Variants in EXOC6B observed in about 807,000 individuals in gnomAD.
EXOC6B encodes SEC15 homolog B.
EXOC6B carries 54 observed loss-of-function variants against 113.5 expected under a neutral mutation model. That is an observed-to-expected ratio of 0.48 (90% CI 0.38 to 0.60). The LOEUF (loss-of-function observed/expected upper bound fraction) is 0.60, where lower values mean the gene tolerates loss of function less well. Among genes scored for constraint, EXOC6B ranks in the 20% least tolerant of loss-of-function variants. The pLI is 0.00. For missense variants in EXOC6B, 797 were observed against 977.5 expected, an observed-to-expected ratio of 0.82 and a Z score of 2.46; for synonymous variants, 357 against 339.0, an observed-to-expected ratio of 1.05 and a Z score of -0.58.
intron 6 of EXOC6B, among the ~76,000 whole-genome samples, chr2:72,614,606 G>A (rs1671278488): frequency 6.6e-6 from 1 of 152,078 alleles, no homozygotes; most frequent in Admixed American, 6.6e-5. Context: ...AATCATAAGA[G>A]TAATTAATTA....
intron 6 of EXOC6B, among the ~76,000 whole-genome samples, chr2:72,605,176 G>A (rs1367403384): frequency 6.6e-6 from 1 of 151,674 alleles, no homozygotes; most frequent in Non-Finnish European, 1.5e-5. Flanking sequence ...CCAGCTACTC[G>A]GGAGGGCTGA....
intron 19 of EXOC6B, among the ~76,000 whole-genome samples, chr2:72,357,695 A>C (rs1558588114): frequency 1.3e-5 from 2 of 151,868 alleles, no homozygotes; most frequent in African/African-American, 4.8e-5. Context: ...CCTTTAAAAA[A>C]AAAAAAGATG....
At chr2:72,247,449 T>C (rs56178437) in intron 20 of EXOC6B, among the ~76,000 whole-genome samples, 29,726 of 152,134 alleles carry the variant, frequency 0.2, 4,514 homozygotes, top group African/African-American at 0.43. Context: ...TTGCTGTCAT[T>C]ATCACACAGA....
chr2:72,520,688 T>C (rs1469309510), intron 8 of EXOC6B, among the ~76,000 whole-genome samples: 3 of 152,196 alleles, frequency 2.0e-5, no homozygotes, highest in Admixed American at 6.5e-5. Context: ...TCCAAAGACA[T>C]GCCAAAGGCA....
At chr2:72,541,504 TCTC>T (rs953091693) in intron 8 of EXOC6B, among the ~76,000 whole-genome samples, 13 of 152,132 alleles carry the variant, frequency 8.5e-5, no homozygotes, top group African/African-American at 2.7e-4. Flanking sequence ...CAAAAGCCCT[TCTC>T]CTCCTAACAT....
At chr2:72,736,908 A>C (rs960736027) in intron 2 of EXOC6B, among the ~76,000 whole-genome samples, 19 of 151,770 alleles carry the variant, frequency 1.3e-4, no homozygotes, top group Admixed American at 1.0e-3. Flanking sequence ...AATAGCATTC[A>C]CAGGTCCTGG....
At chr2:72,427,319 C>A (rs755614093) in intron 18 of EXOC6B, among the ~76,000 whole-genome samples, 1 of 152,138 alleles carries the variant, frequency 6.6e-6, no homozygotes, top group Admixed American at 6.5e-5. Flanking sequence ...ATGGAGCAGA[C>A]GGGAGCCCCA....
chr2:72,237,932 C>T (rs1028301042), intron 20 of EXOC6B, among the ~76,000 whole-genome samples: 2 of 151,996 alleles, frequency 1.3e-5, no homozygotes, highest in Non-Finnish European at 2.9e-5. Flanking sequence ...AATTCACATA[C>T]CATATAATTC....
At chr2:72,370,996 A>C (rs1363992811) in intron 19 of EXOC6B, among the ~76,000 whole-genome samples, 2 of 151,672 alleles carry the variant, frequency 1.3e-5, no homozygotes, top group Non-Finnish European at 2.9e-5. Flanking sequence ...CTTAAAGTAT[A>C]ATAAAAATAT....
intron 6 of EXOC6B, among the ~76,000 whole-genome samples, chr2:72,587,075 A>G (rs1490422139): frequency 6.6e-6 from 1 of 152,210 alleles, no homozygotes; most frequent in African/African-American, 2.4e-5. Flanking sequence ...TATATCCAAA[A>G]GAAAACAAAT....
At chr2:72,745,612 C>A (rs1182454201) in intron 1 of EXOC6B, among the ~76,000 whole-genome samples, 1 of 152,016 alleles carries the variant, frequency 6.6e-6, no homozygotes, top group Non-Finnish European at 1.5e-5. Context: ...TACATATATG[C>A]ATTTTTAAGA....
At chr2:72,691,555 T>C (rs1361534035) in intron 6 of EXOC6B, among the ~76,000 whole-genome samples, 2 of 152,132 alleles carry the variant, frequency 1.3e-5, no homozygotes, top group African/African-American at 4.8e-5. Context: ...ATAACTTTTA[T>C]TCTATTTCTC....
At chr2:72,435,888 C>T (rs969348927) in intron 18 of EXOC6B, among the ~76,000 whole-genome samples, 1 of 152,062 alleles carries the variant, frequency 6.6e-6, no homozygotes, top group African/African-American at 2.4e-5. Context: ...GGGCATTTAG[C>T]CCATTTACAT....
intron 8 of EXOC6B, among the ~76,000 whole-genome samples, chr2:72,532,884 C>CT (rs1397722188): frequency 6.6e-6 from 1 of 151,952 alleles, no homozygotes; most frequent in African/African-American, 2.4e-5. Flanking sequence ...TGACTACAGA[C>CT]ATAGTAGCTA....
intron 1 of EXOC6B, among the ~76,000 whole-genome samples, chr2:72,805,472 T>A (rs1293717644): frequency 6.6e-6 from 1 of 152,188 alleles, no homozygotes; most frequent in Non-Finnish European, 1.5e-5. Flanking sequence ...GCAAAACATA[T>A]AATTTTACTA....
At chr2:72,532,550 C>T (rs1192753239) in intron 8 of EXOC6B, among the ~76,000 whole-genome samples, 1 of 152,124 alleles carries the variant, frequency 6.6e-6, no homozygotes, top group Non-Finnish European at 1.5e-5. Context: ...TGGCTCACAC[C>T]TGTAATCCCA....
rs777112636 is a variant in EXOC6B at position 72,769,878 on chromosome 2, GA to G, written c.114-28410del. 5.9e-5 allele frequency among the ~76,000 whole-genome samples: 9 copies of G among 151,950 alleles called. No homozygotes were observed. In the South Asian group the frequency reaches 1.0e-3, roughly 17 times the overall value. ...GACAGCCAAAAATAATAAGAATCAA[GA>G]ATAAGCACTTAGGGAAAAAGAAAAA... On this transcript the variant is annotated intron_variant, in intron 1 of 21. Coordinates refer to ENST00000272427, the MANE Select transcript of EXOC6B (RefSeq NM_015189.3).
chr2:72,557,299 G>A (rs1384903773), intron 8 of EXOC6B, among the ~76,000 whole-genome samples: 1 of 89,712 alleles, frequency 1.1e-5, no homozygotes, highest in Non-Finnish European at 2.2e-5. Context: ...CCGGGGGGGG[G>A]GGGGGGCCTT....
chr2:72,387,630 A>G (rs1692118068), intron 18 of EXOC6B, among the ~76,000 whole-genome samples: 1 of 152,184 alleles, frequency 6.6e-6, no homozygotes, highest in Non-Finnish European at 1.5e-5. Context: ...CAAATTAATT[A>G]GAATAAAGTT....
Sources: allele counts gnomAD v4.1 joint callset (sites outside exome capture counted in the v4.1 genomes callset), GRCh38; gene constraint gnomAD v4.1.1; transcripts MANE v1.5; gene names NCBI Gene and HGNC (gene_info 2026-07-23, HGNC 2026-07-21).